The following PCDH7 variants were observed in gnomAD, a reference collection of about 807,000 sequenced individuals.
The protein encoded by PCDH7 is protocadherin 7, also known as protocadherin-7.
Under a neutral mutation model 58.9 loss-of-function variants are expected in PCDH7, and 17 were observed. That is an observed-to-expected ratio of 0.29 (90% confidence interval 0.20 to 0.43). PCDH7 has a LOEUF of 0.43. Ranked by LOEUF, PCDH7 falls within the 20% of genes least tolerant of loss-of-function variation. PCDH7 has a pLI of 1.00. For synonymous variants in PCDH7, 664 were observed against 616.4 expected, an observed-to-expected ratio of 1.08 and a Z score of -1.14; for missense variants, 1,274 against 1,441.0, an observed-to-expected ratio of 0.88 and a Z score of 1.88.
chr4:30,987,010 C>T (rs1477710502), intron 3 of PCDH7, among the ~76,000 whole-genome samples: 1 of 152,012 alleles, frequency 6.6e-6, no homozygotes, highest in African/African-American at 2.4e-5. Flanking sequence ...GTATCTTTAT[C>T]TTTGGGCATA....
intron 1 of PCDH7, among the ~76,000 whole-genome samples, chr4:30,777,641 A>T (rs1722247540): frequency 6.6e-6 from 1 of 152,124 alleles, no homozygotes; most frequent in Admixed American, 6.5e-5. Context: ...TGCCATGTAA[A>T]TGCTTGTATA....
chr4:31,071,785 A>C (rs539146431), intron 3 of PCDH7, among the ~76,000 whole-genome samples: 1 of 152,188 alleles, frequency 6.6e-6, no homozygotes, highest in African/African-American at 2.4e-5. Flanking sequence ...TTTTCAAAAA[A>C]GACTCAGGAA....
At chr4:31,104,095 A>G (rs1274554370) in intron 3 of PCDH7, among the ~76,000 whole-genome samples, 1 of 152,214 alleles carries the variant, frequency 6.6e-6, no homozygotes, top group Non-Finnish European at 1.5e-5. Flanking sequence ...TTCTTCACCT[A>G]AACAAGGGCT....
chr4:30,972,621 C>G (rs1411575807), intron 3 of PCDH7, among the ~76,000 whole-genome samples: 1 of 152,132 alleles, frequency 6.6e-6, no homozygotes, highest in Non-Finnish European at 1.5e-5. Context: ...ATGTAATTAT[C>G]CACTACAACA....
chr4:31,088,119 T>G (rs1199360887), intron 3 of PCDH7, among the ~76,000 whole-genome samples: 4 of 152,026 alleles, frequency 2.6e-5, no homozygotes, highest in African/African-American at 9.7e-5. Context: ...CTTTGCTATA[T>G]TGTTTATTCA....
intron 1 of PCDH7, among the ~76,000 whole-genome samples, chr4:30,893,180 A>G (rs1334184223): frequency 6.6e-6 from 1 of 152,124 alleles, no homozygotes; most frequent in Non-Finnish European, 1.5e-5. Context: ...TGGAAGCATC[A>G]AAAACAAATT....
At chr4:30,870,628 C>T (rs549154526) in intron 1 of PCDH7, among the ~76,000 whole-genome samples, 1 of 152,184 alleles carries the variant, frequency 6.6e-6, no homozygotes, top group Admixed American at 6.5e-5. Context: ...AGACTGCTCT[C>T]TAGATGTGTT....
chr4:30,739,729 A>G (rs901753048), intron 1 of PCDH7, among the ~76,000 whole-genome samples: 2 of 152,214 alleles, frequency 1.3e-5, no homozygotes, highest in Non-Finnish European at 2.9e-5. Context: ...ATATACATAC[A>G]TGAAACACAC....
chr4:31,105,733 C>A (rs187247935), intron 3 of PCDH7, among the ~76,000 whole-genome samples: 10 of 152,112 alleles, frequency 6.6e-5, no homozygotes, highest in Admixed American at 5.2e-4. Context: ...TTTGGCCAGG[C>A]GCAGTGGCTC....
At chr4:30,957,529 A>G (rs1432200500) in intron 3 of PCDH7, among the ~76,000 whole-genome samples, 1 of 152,132 alleles carries the variant, frequency 6.6e-6, no homozygotes, top group African/African-American at 2.4e-5. Context: ...GCCGAAATGC[A>G]AGTTTTACTG....
chr4:30,905,993 A>T (rs992625475), intron 1 of PCDH7, among the ~76,000 whole-genome samples: 1 of 152,208 alleles, frequency 6.6e-6, no homozygotes, highest in African/African-American at 2.4e-5. Flanking sequence ...ATTCCAAGGA[A>T]CTTATCTTTG....
intron 3 of PCDH7, among the ~76,000 whole-genome samples, chr4:31,116,152 A>G (rs1258828355): frequency 2.6e-5 from 4 of 152,162 alleles, no homozygotes; most frequent in South Asian, 2.1e-4. Context: ...CTCTGACACT[A>G]CAAGAGTCTG....
chr4:30,794,937 AT>A (rs1331673129), intron 1 of PCDH7, among the ~76,000 whole-genome samples: 1 of 152,158 alleles, frequency 6.6e-6, no homozygotes, highest in African/African-American at 2.4e-5. Context: ...TTAAGTGATA[AT>A]GATTTGATCT....
rs371641745 is a variant in PCDH7 at position 31,030,506 on chromosome 4, C to T, written c.*7+80291C>T. ...CCAAATTGTGTCTTCAGGATAAGAG[C>T]CAAGTTACACTTTTATTTACATATA... On this transcript the variant is annotated intron_variant, in intron 3 of 3. Coordinates refer to the PCDH7 transcript ENST00000509759. Among the ~76,000 whole-genome samples the T allele has an allele frequency of 2.6e-5, 4 of 152,180 alleles. No individual in the cohort carries two copies. In the South Asian group the frequency reaches 8.3e-4, roughly 32 times the overall value.
At chr4:30,748,199 G>A (rs1718015620) in intron 1 of PCDH7, among the ~76,000 whole-genome samples, 1 of 152,102 alleles carries the variant, frequency 6.6e-6, no homozygotes, top group South Asian at 2.1e-4. Flanking sequence ...CAAATACTCT[G>A]CTTGTTGGAT....
At chr4:30,811,227 T>C (rs917740657) in intron 1 of PCDH7, among the ~76,000 whole-genome samples, 1 of 152,210 alleles carries the variant, frequency 6.6e-6, no homozygotes, top group African/African-American at 2.4e-5. Flanking sequence ...TGGCACTTGA[T>C]AGGAGTTGGC....
In PCDH7 at chr4:30,748,089, A is replaced by G. The variant is rs138154757; in HGVS notation, c.70+23493A>G. On this transcript the variant is annotated intron_variant, in intron 1 of 3. Coordinates refer to the PCDH7 transcript ENST00000509759. ...ATTCTCATATACAAGGCTGTCAAATATTTTGAAATGTGAAAAAATGTTTCA... is the reference window on the plus strand; with the variant it reads ...ATTCTCATATACAAGGCTGTCAAATGTTTTGAAATGTGAAAAAATGTTTCA... Among the ~76,000 whole-genome samples, 559 of 152,350 alleles carry G rather than the reference A, an allele frequency of 3.7e-3. 2 individuals are homozygous for G. The highest frequency in any genetic ancestry group is 0.013 in the African/African-American group (536 of 41,578).
chr4:31,105,712 GAATA>G (rs1715466327), intron 3 of PCDH7, among the ~76,000 whole-genome samples: 1 of 152,098 alleles, frequency 6.6e-6, no homozygotes, highest in South Asian at 2.1e-4. Context: ...GCACAGCATA[GAATA>G]AGTATTTTTG....
At chr4:31,077,834 G>A (rs930732427) in intron 3 of PCDH7, among the ~76,000 whole-genome samples, 12 of 152,104 alleles carry the variant, frequency 7.9e-5, no homozygotes, top group African/African-American at 2.9e-4. Context: ...AAATTTAGAA[G>A]GCACGAGGTC....
Sources: allele counts gnomAD v4.1 joint callset (sites outside exome capture counted in the v4.1 genomes callset), GRCh38; gene constraint gnomAD v4.1.1; transcripts MANE v1.5; gene names NCBI Gene and HGNC (gene_info 2026-07-23, HGNC 2026-07-21).